Variants in ZSCAN1 observed in about 807,000 individuals in gnomAD.
The protein encoded by ZSCAN1 is zinc finger and SCAN domain containing 1.
A neutral mutation model predicts 23.8 loss-of-function variants in ZSCAN1; 23 were observed. The ratio of observed to expected loss-of-function variants is 0.97; its 90% CI spans 0.70 to 1.37. The LOEUF (loss-of-function observed/expected upper bound fraction) is 1.37. Ranked by LOEUF, ZSCAN1 falls within the 40% of genes most tolerant of loss-of-function variation. The probability of loss-of-function intolerance (pLI) is 0.00; values close to 1 mark genes in which losing one functional copy is unlikely to be tolerated. For missense variants in ZSCAN1, 575 were observed against 554.0 expected, an observed-to-expected ratio of 1.04 and a Z score of -0.38; for synonymous variants, 236 against 232.3, an observed-to-expected ratio of 1.02 and a Z score of -0.15.
In ZSCAN1 at chr19:58,047,209, C is replaced by T. The variant is rs2073832003; in HGVS notation, c.466-5281C>T. On this transcript the variant is annotated intron_variant, in intron 4 of 5. Transcript: ENST00000282326. This position sits in a 1 kb window ranked among gnomAD's most constrained non-coding sequence, Gnocchi z 4.9. ...CTGGCCCCCTCAGGGCTGAAGATGC[C>T]TCCATTCACCTGTGGACCTTGCTTT... 6.6e-6 allele frequency among the ~76,000 whole-genome samples: 1 copy of T among 152,220 alleles called. No homozygotes were observed. Among genetic ancestry groups the T allele is most frequent in the Non-Finnish European group, 1.5e-5 (1 of 68,038 alleles).
chr19:58,055,610 CCT>C (rs1452369030), downstream of ZSCAN1, among the ~76,000 whole-genome samples: 1 of 152,228 alleles, frequency 6.6e-6, no homozygotes, highest in African/African-American at 2.4e-5. Context: ...CGGAAGCCCC[CCT>C]GAGCCTTCTC....
Position 58,045,380 on chromosome 19 carries a change from C to T in ZSCAN1, c.465+4836C>T, listed in dbSNP as rs897548885. 2.3e-6 allele frequency: 2 copies of T among 863,060 alleles called. No homozygotes were observed. Among genetic ancestry groups the T allele is most frequent in the African/African-American group, 3.3e-5 (2 of 60,648 alleles). 53.5% of individuals were successfully genotyped at this position (863,060 alleles called of 1,614,324 possible). On this transcript the variant is annotated intron_variant, in intron 4 of 5. Transcript: ENST00000282326. The surrounding 1 kb of genome is among the most constrained non-coding windows in gnomAD (Gnocchi z 4.3). ...TGGAGCTAGCCGAGTTCCTCCAGGA[C>T]ACCATCCAGGAGATGGCCTTGAAGA...
rs1010326428 is a variant in ZSCAN1, at chr19:58,045,135, C to G, written c.465+4591C>G. 1.3e-4 allele frequency: 164 copies of G among 1,244,906 alleles called. 1 individual carries two copies. The South Asian group carries it at 1.9e-3, about 15-fold the overall frequency. The allele number at this position is 1,244,906 out of a possible 1,614,324, so 77.1% of individuals were successfully genotyped here. On this transcript the variant is annotated intron_variant, in intron 4 of 5. Coordinates refer to ENST00000282326, the MANE Select transcript of ZSCAN1 (RefSeq NM_182572.4). This position sits in a 1 kb window ranked among gnomAD's most constrained non-coding sequence, Gnocchi z 4.3. ...CAAGATCGCAGCACGCATGCTCTGGCGCATCCTCAACTGCCACACCCTGAC... is the reference window on the plus strand; with the variant it reads ...CAAGATCGCAGCACGCATGCTCTGGGGCATCCTCAACTGCCACACCCTGAC...
At chr19:58,039,770 CAAA>C (rs67254346) in intron 3 of ZSCAN1, among the ~76,000 whole-genome samples, 41 of 83,254 alleles carry the variant, frequency 4.9e-4, no homozygotes, top group African/African-American at 1.7e-3. Context: ...GACTCCGTCT[CAAA>C]AAAAAAAAAA....
chr19:58,037,909 G>A lies in ZSCAN1; in HGVS notation c.73G>A (p.Asp25Asn). Residue 25 changes from aspartate to asparagine, a missense_variant, in exon 3 of 6, where the codon GAC becomes AAC. Asp to Asn is a conservative substitution (Grantham distance 23). Coordinates refer to ENST00000282326, the MANE Select transcript of ZSCAN1 (RefSeq NM_182572.4). ...QTPTPSEQDA[D>N]PGPASPRDTE... Reference sequence around the variant, plus strand: ...CCCAACCCCGAGTGAGCAGGACGCAGACCCTGGGCCAGCAAGCCCCAGGGA... The same window carrying A: ...CCCAACCCCGAGTGAGCAGGACGCAAACCCTGGGCCAGCAAGCCCCAGGGA... 6.3e-7 allele frequency: 1 copy of A among 1,588,240 alleles called. No individual in the cohort carries two copies. Among genetic ancestry groups the A allele is most frequent in the Non-Finnish European group, 8.5e-7 (1 of 1,172,824 alleles).
intron 4 of ZSCAN1, chr19:58,046,070 C>A: frequency 1.5e-6 from 1 of 681,700 alleles, no homozygotes; most frequent in South Asian, 1.7e-5. Flanking sequence ...GTGGAAGGCG[C>A]TCCCCAAAGG....
Position 58,040,980 on chromosome 19 carries a change from G to A in ZSCAN1, c.465+436G>A, listed in dbSNP as rs868391955. Reference sequence around the variant, plus strand: ...CCTGCTGTTGCGCAGGCCTCAAGGCGACGGGAGGGGCCCGGCTCGGTTGGG... The same window carrying A: ...CCTGCTGTTGCGCAGGCCTCAAGGCAACGGGAGGGGCCCGGCTCGGTTGGG... On this transcript the variant is annotated intron_variant, in intron 4 of 5. Coordinates refer to ENST00000282326, the MANE Select transcript of ZSCAN1 (RefSeq NM_182572.4). This position sits in a 1 kb window ranked among gnomAD's most constrained non-coding sequence, Gnocchi z 5.8. Among the ~76,000 whole-genome samples, 44 of 152,358 alleles carry A rather than the reference G, an allele frequency of 2.9e-4. No homozygotes were observed. The Middle Eastern group carries it at 0.01, about 35-fold the overall frequency.
At position 58,038,194 on chromosome 19, in the gene ZSCAN1, T is replaced by G. The variant is rs762585599; in HGVS notation, c.358T>G (p.Cys120Gly). Residue 120 changes from cysteine to glycine, a missense_variant, in exon 3 of 6, where the codon TGC becomes GGC. Cys to Gly is a radical substitution (Grantham distance 159). Transcript: ENST00000282326. Reference sequence around the variant, plus strand: ...CCTGGTGGAGGACCTCACACAGATGTGCCAGCAGGAAGGTGAGAGGCGCAG... The same window carrying G: ...CCTGGTGGAGGACCTCACACAGATGGGCCAGCAGGAAGGTGAGAGGCGCAG... ...ASLVEDLTQM[C>G]QQEVLVSLDS... 42 of 1,605,904 alleles carry G rather than the reference T, an allele frequency of 2.6e-5. No homozygotes were observed. Among genetic ancestry groups the G allele is most frequent in the Non-Finnish European group, 3.6e-5 (42 of 1,177,834 alleles).
chr19:58,048,349 G>GT (rs769040213), intron 4 of ZSCAN1, among the ~76,000 whole-genome samples: 2 of 152,264 alleles, frequency 1.3e-5, no homozygotes, highest in East Asian at 3.8e-4. Flanking sequence ...GGGCATGTAG[G>GT]TAAGTGTAAA....
rs1455898990 is a variant in ZSCAN1 at position 58,047,982 on chromosome 19, A to C, written c.466-4508A>C. Among the ~76,000 whole-genome samples the C allele has an allele frequency of 2.0e-5, 3 of 152,174 alleles. No homozygotes were observed. Among genetic ancestry groups the C allele is most frequent in the Non-Finnish European group, 4.4e-5 (3 of 68,030 alleles). On this transcript the variant is annotated intron_variant, in intron 4 of 5. Transcript: ENST00000282326. The surrounding 1 kb of genome is among the most constrained non-coding windows in gnomAD (Gnocchi z 4.9). ...TTTAAGGTCAGGTTGGTTCCTGGTA[A>C]AAATGTCCCTCCGGGGGCCTCCAAG... is the stretch of plus-strand genomic sequence containing the variant.
chr19:58,045,539 C>T lies in ZSCAN1; in HGVS notation c.465+4995C>T, dbSNP rs1182256431. 2.9e-6 allele frequency: 4 copies of T among 1,381,220 alleles called. No homozygotes were observed. Among genetic ancestry groups the T allele is most frequent in the Non-Finnish European group, 3.1e-6 (3 of 967,992 alleles). The allele number at this position is 1,381,220 out of a possible 1,614,324, so 85.6% of individuals were successfully genotyped here. ...TATTTGAGGATGAGCTGACCCTTGA[C>T]AACCTGACACGGCCGCAGCTGGTGG... On this transcript the variant is annotated intron_variant, in intron 4 of 5. Transcript: ENST00000282326. This position sits in a 1 kb window ranked among gnomAD's most constrained non-coding sequence, Gnocchi z 4.3.
rs746195764 is a variant in ZSCAN1 at position 58,037,948 on chromosome 19, C to G, written c.112C>G (p.Arg38Gly). 1.2e-6 allele frequency: 2 copies of G among 1,604,132 alleles called. No individual in the cohort carries two copies. Among genetic ancestry groups the G allele is most frequent in the Non-Finnish European group, 1.7e-6 (2 of 1,179,542 alleles). Residue 38 changes from arginine (R) to glycine (G), a missense_variant, in exon 3 of 6, where the codon CGT (arginine) becomes GGT (glycine). Transcript: ENST00000282326. ...PASPRDTEAQ[R>G]LRFRQFQYHV... ...AAGCCCCAGGGACACCGAAGCCCAG[C>G]GTCTGCGCTTCCGGCAGTTCCAGTA...
intron 3 of ZSCAN1, among the ~76,000 whole-genome samples, chr19:58,038,751 GACCCCAC>G (rs2073762056): frequency 6.6e-6 from 1 of 152,232 alleles, no homozygotes; most frequent in African/African-American, 2.4e-5. Context: ...TTGCCCCTGT[GACCCCAC>G]GTCGAGATTC....
chr19:58,042,494 G>A (rs2123426948), intron 4 of ZSCAN1, among the ~76,000 whole-genome samples: 1 of 152,086 alleles, frequency 6.6e-6, no homozygotes, highest in East Asian at 1.9e-4. Context: ...TCCTGACCTC[G>A]TGATCCACCC....
At chr19:58,048,524 G>T (rs2073840108) in intron 4 of ZSCAN1, among the ~76,000 whole-genome samples, 1 of 152,224 alleles carries the variant, frequency 6.6e-6, no homozygotes, top group Admixed American at 6.5e-5. Flanking sequence ...CTGTTGCCCA[G>T]GCTGGAGTGC....
In ZSCAN1 at chr19:58,053,439, C is replaced by T. The variant is rs1262149004; in HGVS notation, c.615C>T (p.Ala205=). The part of the protein sequence containing the change: ...PRAPGLLGSR[A]RLPLKPSIWD... ...CCTCGCCCTCCACAGGGTCCCGGGC[C>T]CGCTTGCCTCTGAAGCCGAGTATCT... Residue 205 remains alanine, a synonymous_variant, in exon 6 of 6, where the codon GCC becomes GCT. Transcript: ENST00000282326. This position sits in a 1 kb window ranked among gnomAD's most constrained non-coding sequence, Gnocchi z 5.8. 2 of 1,610,082 alleles carry T rather than the reference C, an allele frequency of 1.2e-6. No individual in the cohort carries two copies. The highest frequency in any genetic ancestry group is 2.2e-5 in the East Asian group (1 of 44,754).
Position 58,038,151 on chromosome 19 carries a change from C to G in ZSCAN1, c.315C>G (p.Ser105Arg), listed in dbSNP as rs748367735. The G allele has an allele frequency of 3.4e-5, 55 of 1,609,044 alleles. No individual in the cohort carries two copies. The highest frequency in any genetic ancestry group is 4.7e-5 in the Non-Finnish European group (55 of 1,179,116). Residue 105 changes from serine to arginine, a missense_variant, in exon 3 of 6, where the codon AGC (serine) becomes AGG (arginine). Coordinates refer to ENST00000282326, the MANE Select transcript of ZSCAN1 (RefSeq NM_182572.4). ...GGGTGCAGTCACAGGGCCCCCGAAGCTGCAGGGAGGCCGCCAGCCTGGTGG... is the reference window on the plus strand; with the variant it reads ...GGGTGCAGTCACAGGGCCCCCGAAGGTGCAGGGAGGCCGCCAGCCTGGTGG... The part of the protein sequence containing the change: ...RTWVQSQGPR[S>R]CREAASLVED...
At chr19:58,050,569 G>A (rs1296895117) in intron 4 of ZSCAN1, among the ~76,000 whole-genome samples, 3 of 152,066 alleles carry the variant, frequency 2.0e-5, no homozygotes, top group Non-Finnish European at 4.4e-5. Context: ...TCGCCAGGCT[G>A]CAGTGCAGTG....
At chr19:58,042,960 G>A (rs1051280066) in intron 4 of ZSCAN1, among the ~76,000 whole-genome samples, 6 of 152,272 alleles carry the variant, frequency 3.9e-5, no homozygotes, top group Non-Finnish European at 7.3e-5. Context: ...CACTTGTGGA[G>A]GGAGAGGCCT....
Sources: gnomAD v4.1 joint callset for allele counts (sites outside exome capture counted in the v4.1 genomes callset) on GRCh38, gnomAD v4.1.1 for gene constraint, Gnocchi (gnomAD v3.1) non-coding constraint, MANE v1.5 for transcripts, NCBI Gene and HGNC (gene_info 2026-07-23, HGNC 2026-07-21) for gene names.